BTRC: variants seen among roughly 807,000 people sequenced by gnomAD.
The protein encoded by BTRC is F-box/WD repeat-containing protein 1A.
In BTRC, 42 loss-of-function variants were observed where a neutral mutation model predicts 85.5. That is an observed-to-expected ratio of 0.49 (90% CI 0.38 to 0.64). The LOEUF is 0.64. Among genes scored for constraint, BTRC ranks in the 30% least tolerant of loss-of-function variants. The pLI is 0.00. For synonymous variants in BTRC, 255 were observed against 263.3 expected (o/e 0.97, Z 0.30); for missense variants, 594 against 743.5 (o/e 0.80, Z 2.34).
intron 1 of BTRC, among the ~76,000 whole-genome samples, chr10:101,365,199 G>A (rs1220773175): frequency 1.3e-5 from 2 of 151,424 alleles, no homozygotes; most frequent in African/African-American, 4.8e-5. Flanking sequence ...TTAGCTTCCT[G>A]AGTAGCTGGG....
At chr10:101,510,257 C>T (rs1946666800) in intron 4 of BTRC, among the ~76,000 whole-genome samples, 1 of 152,034 alleles carries the variant, frequency 6.6e-6, no homozygotes, top group Non-Finnish European at 1.5e-5. Flanking sequence ...GCCTGTAATC[C>T]CAGCACTTTA....
intron 1 of BTRC, among the ~76,000 whole-genome samples, chr10:101,426,164 C>T (rs1181704587): frequency 2.6e-5 from 4 of 152,186 alleles, no homozygotes; most frequent in Non-Finnish European, 2.9e-5. Flanking sequence ...AGAAGGGAAA[C>T]AGGTAGAGTA....
chr10:101,420,498 A>G (rs1944071274), intron 1 of BTRC, among the ~76,000 whole-genome samples: 1 of 151,786 alleles, frequency 6.6e-6, no homozygotes, highest in South Asian at 2.1e-4. Flanking sequence ...GGCAACCCTC[A>G]CTGCCATCCC....
intron 2 of BTRC, among the ~76,000 whole-genome samples, chr10:101,459,808 A>T (rs1476872062): frequency 6.6e-6 from 1 of 152,172 alleles, no homozygotes; most frequent in Non-Finnish European, 1.5e-5. Flanking sequence ...AGGGTCAGTA[A>T]AAAGAAAATT....
intron 1 of BTRC, among the ~76,000 whole-genome samples, chr10:101,423,620 T>C (rs1267625016): frequency 1.3e-5 from 2 of 152,262 alleles, no homozygotes; most frequent in Non-Finnish European, 2.9e-5. Context: ...ATTTCTGCCA[T>C]TGTCATTTAG....
chr10:101,498,731 C>T (rs1005826883), intron 4 of BTRC, among the ~76,000 whole-genome samples: 15 of 152,142 alleles, frequency 9.9e-5, no homozygotes, highest in African/African-American at 3.1e-4. Context: ...TGGTTCACGC[C>T]TGTATTCCCA....
intron 1 of BTRC, among the ~76,000 whole-genome samples, chr10:101,408,663 T>A (rs1943694193): frequency 6.6e-6 from 1 of 152,194 alleles, no homozygotes; most frequent in Admixed American, 6.5e-5. Flanking sequence ...TTGTTACTAT[T>A]TAAGTATTCC....
intron 4 of BTRC, among the ~76,000 whole-genome samples, chr10:101,482,405 T>G (rs942522652): frequency 4.1e-5 from 6 of 144,868 alleles, no homozygotes; most frequent in African/African-American, 1.5e-4. Context: ...TTTTTTTTTT[T>G]TTTTTTTTGA....
chr10:101,535,320 C>A, intron 10 of BTRC, 34 bp from the exon 11 acceptor site: 2 of 1,534,526 alleles, frequency 1.3e-6, no homozygotes, highest in South Asian at 1.1e-5. Flanking sequence ...ATAAAAGCAC[C>A]AAATCAACTG....
At chr10:101,458,422 C>T (rs79528180) in intron 2 of BTRC, among the ~76,000 whole-genome samples, 10,123 of 152,020 alleles carry the variant, frequency 0.067, 355 homozygotes, top group Non-Finnish European at 0.074. Flanking sequence ...TTTTTAATGG[C>T]GGTGTTATAC....
chr10:101,550,190 A>G (rs2134479863), intron 13 of BTRC, among the ~76,000 whole-genome samples: 1 of 152,308 alleles, frequency 6.6e-6, no homozygotes, highest in Non-Finnish European at 1.5e-5. Context: ...GTCTTGGCCA[A>G]AGAGTATTGC....
rs1232082481 is a variant in BTRC at position 101,404,030 on chromosome 10, A to ATATATT, written c.49-26314_49-26313insATATTT. On this transcript the variant is annotated intron_variant, in intron 1 of 14. Coordinates refer to ENST00000370187, the MANE Select transcript of BTRC (RefSeq NM_033637.4). ...TATATATATATATATATATATATAT[A>ATATATT]TTTTTTTTTTTTTTTTTTTGAGACA... is the stretch of plus-strand genomic sequence containing the variant. 3.9e-3 allele frequency among the ~76,000 whole-genome samples: 98 copies of ATATATT among 25,430 alleles called. 5 individuals carry two copies. The highest frequency in any genetic ancestry group is 0.015 in the African/African-American group (78 of 5,228). The allele number at this position is 25,430 out of a possible 152,430, so 16.7% of individuals were successfully genotyped here.
intron 1 of BTRC, among the ~76,000 whole-genome samples, chr10:101,385,157 CGCT>C (rs778198946): frequency 2.0e-5 from 3 of 151,608 alleles, no homozygotes; most frequent in Non-Finnish European, 2.9e-5. Flanking sequence ...ATGATTCCTC[CGCT>C]GCATTCCAGC....
intron 1 of BTRC, among the ~76,000 whole-genome samples, chr10:101,355,448 T>C (rs1590190962): frequency 6.6e-6 from 1 of 152,242 alleles, no homozygotes; most frequent in Non-Finnish European, 1.5e-5. Context: ...TATAGTCTGA[T>C]ATTTGATGCT....
At chr10:101,500,200 G>A (rs116056215) in intron 4 of BTRC, among the ~76,000 whole-genome samples, 1 of 152,014 alleles carries the variant, frequency 6.6e-6, no homozygotes, top group African/African-American at 2.4e-5. Flanking sequence ...AAATGGTACA[G>A]CCTCCTATAC....
At chr10:101,394,774 G>A (rs1409642244) in intron 1 of BTRC, among the ~76,000 whole-genome samples, 3 of 152,140 alleles carry the variant, frequency 2.0e-5, no homozygotes, top group Admixed American at 6.5e-5. Context: ...GGCTAGACTT[G>A]TCAGATTAGG....
chr10:101,423,391 C>T (rs919176199), intron 1 of BTRC, among the ~76,000 whole-genome samples: 7 of 152,160 alleles, frequency 4.6e-5, no homozygotes, highest in African/African-American at 1.4e-4. Flanking sequence ...GTTTGTTATA[C>T]ATATAGTAAC....
chr10:101,394,290 A>G (rs368823905), intron 1 of BTRC, among the ~76,000 whole-genome samples: 1 of 152,348 alleles, frequency 6.6e-6, no homozygotes, highest in Non-Finnish European at 1.5e-5. Context: ...ATATTTTTAG[A>G]TCTAATTGCC....
chr10:101,526,082 A>C lies in BTRC; in HGVS notation c.626A>C (p.Glu209Ala). 1 of 1,614,210 alleles carries C rather than the reference A, an allele frequency of 6.2e-7. No homozygotes were observed. Among genetic ancestry groups the C allele is most frequent in the Non-Finnish European group, 8.5e-7 (1 of 1,180,026 alleles). ...GATGCCAAATCACTATGTGCTGCTGAACTTGTGTGCAAGGAATGGTACCGA... is the reference window on the plus strand; with the variant it reads ...GATGCCAAATCACTATGTGCTGCTGCACTTGTGTGCAAGGAATGGTACCGA... Reference protein sequence around the residue: ...YLDAKSLCAAELVCKEWYRVT... With the variant: ...YLDAKSLCAAALVCKEWYRVT... The change falls in exon 6 of 15, where the codon GAA becomes GCA. Residue 209 changes from glutamate to alanine, a missense_variant. Glu to Ala is a moderately radical substitution (Grantham distance 107). Coordinates refer to ENST00000370187, the MANE Select transcript of BTRC (RefSeq NM_033637.4).
Sources: gnomAD v4.1 joint callset for allele counts (sites outside exome capture counted in the v4.1 genomes callset) on GRCh38, gnomAD v4.1.1 for gene constraint, MANE v1.5 for transcripts, NCBI Gene and HGNC (gene_info 2026-07-23, HGNC 2026-07-21) for gene names.